ANO6: variants seen among roughly 807,000 people sequenced by gnomAD.
ANO6 encodes the protein anoctamin 6.
Under a neutral mutation model 117.5 loss-of-function variants are expected in ANO6, and 106 were observed. The ratio of observed to expected loss-of-function variants is 0.90; its 90% CI spans 0.77 to 1.06. The LOEUF is 1.06. Among genes scored for constraint, ANO6 ranks in the 50% least tolerant of loss-of-function variants. ANO6 has a pLI of 0.00. For missense variants in ANO6, 955 were observed against 1,121.1 expected (o/e 0.85, Z 2.12); for synonymous variants, 367 against 385.1 (o/e 0.95, Z 0.55).
At chr12:45,298,838 G>A (rs993798445) in intron 1 of ANO6, among the ~76,000 whole-genome samples, 1 of 151,968 alleles carries the variant, frequency 6.6e-6, no homozygotes, top group African/African-American at 2.4e-5. Flanking sequence ...ACTTTCTTAA[G>A]CTTGTCTTTT....
intron 1 of ANO6, among the ~76,000 whole-genome samples, chr12:45,249,303 A>G (rs1041086685): frequency 6.6e-6 from 1 of 152,242 alleles, no homozygotes; most frequent in African/African-American, 2.4e-5. Context: ...ACCTAATTGT[A>G]TCATGTTCAT....
chr12:45,285,215 A>T (rs1938869539), intron 1 of ANO6, among the ~76,000 whole-genome samples: 2 of 152,214 alleles, frequency 1.3e-5, no homozygotes, highest in Non-Finnish European at 2.9e-5. Context: ...GAGCTTCCCA[A>T]TTTGAAGGCA....
chr12:45,254,746 TAC>T (rs1458583778), intron 1 of ANO6, among the ~76,000 whole-genome samples: 1 of 152,242 alleles, frequency 6.6e-6, no homozygotes, highest in African/African-American at 2.4e-5. Context: ...TTCCCAGAAT[TAC>T]AGATATGTAA....
intron 2 of ANO6, among the ~76,000 whole-genome samples, chr12:45,309,928 G>T (rs1225146403): frequency 1.3e-5 from 2 of 152,114 alleles, no homozygotes; most frequent in Non-Finnish European, 2.9e-5. Flanking sequence ...AAAGGACTCT[G>T]AAAAGGGGGA....
chr12:45,254,024 G>C (rs1334618509), intron 1 of ANO6, among the ~76,000 whole-genome samples: 1 of 152,108 alleles, frequency 6.6e-6, no homozygotes, highest in African/African-American at 2.4e-5. Context: ...AAAATTAGCT[G>C]GGCATGGTGG....
chr12:45,345,538 C>T (rs769365507), intron 3 of ANO6, among the ~76,000 whole-genome samples: 1 of 152,184 alleles, frequency 6.6e-6, no homozygotes, highest in South Asian at 2.1e-4. Context: ...TTCCACCCAG[C>T]GTTTTCAGCT....
chr12:45,221,981 AC>A (rs1947407706), intron 1 of ANO6, among the ~76,000 whole-genome samples: 1 of 143,390 alleles, frequency 7.0e-6, no homozygotes. Context: ...TCTTGGATTC[AC>A]TCCATTCTCC....
intron 1 of ANO6, among the ~76,000 whole-genome samples, chr12:45,286,753 T>C (rs1054175599): frequency 5.9e-5 from 9 of 152,236 alleles, no homozygotes; most frequent in African/African-American, 1.7e-4. Context: ...GTGTTTACTA[T>C]GTGTAAGTAA....
chr12:45,270,480 G>A, intron 1 of ANO6: 1 of 1,512,772 alleles, frequency 6.6e-7, no homozygotes, highest in Non-Finnish European at 8.8e-7. Flanking sequence ...CCTGCCTCCA[G>A]GAGGCCTTTT....
rs781608617 is a variant in ANO6 at position 45,388,191 on chromosome 12, G to A, written c.1196G>A (p.Arg399His). 32 of 1,613,924 alleles carry A rather than the reference G, an allele frequency of 2.0e-5. No homozygotes were observed. The highest frequency in any genetic ancestry group is 2.7e-5 in the Non-Finnish European group (32 of 1,179,884). ...TTGTTTTTGGAGTTTTGGAAGCGACGCCAGGCAGAACTTGAGTATGAATGG... is the reference window on the plus strand; with the variant it reads ...TTGTTTTTGGAGTTTTGGAAGCGACACCAGGCAGAACTTGAGTATGAATGG... ...VTLFLEFWKR[R>H]QAELEYEWDT... The change falls in exon 11 of 20, where the codon CGC (arginine) becomes CAC (histidine). Residue 399 changes from arginine to histidine, a missense_variant. Transcript: ENST00000320560.
intron 1 of ANO6, among the ~76,000 whole-genome samples, chr12:45,281,410 C>A (rs1277092277): frequency 2.0e-5 from 3 of 152,296 alleles, no homozygotes; most frequent in Middle Eastern, 6.8e-3. Flanking sequence ...TATTTTGGCT[C>A]ACAGTTCTGC....
intron 6 of ANO6, among the ~76,000 whole-genome samples, chr12:45,350,020 G>A (rs1462552449): frequency 2.0e-5 from 3 of 152,178 alleles, no homozygotes; most frequent in Non-Finnish European, 1.5e-5. Flanking sequence ...GTGTGTGAAG[G>A]TCAGGGCCTG....
chr12:45,440,120 T>C, exon 20 of ANO6: 1 of 510,908 alleles, frequency 2.0e-6, no homozygotes, highest in Non-Finnish European at 3.0e-6. Context: ...ATATGTATAG[T>C]TTTTTGTTGT....
At chr12:45,345,792 T>G (rs539071855) in intron 3 of ANO6, among the ~76,000 whole-genome samples, 84 of 152,264 alleles carry the variant, frequency 5.5e-4, no homozygotes, top group Admixed American at 3.0e-3. Flanking sequence ...GTTACAGAGC[T>G]CATTCTGGTC....
intron 1 of ANO6, among the ~76,000 whole-genome samples, chr12:45,300,332 C>T (rs1939440516): frequency 6.6e-6 from 1 of 152,142 alleles, no homozygotes; most frequent in African/African-American, 2.4e-5. Context: ...AGGTGCACAC[C>T]ATCACGCCCG....
intron 12 of ANO6, among the ~76,000 whole-genome samples, chr12:45,392,695 G>C (rs1378088430): frequency 3.9e-5 from 6 of 152,218 alleles, no homozygotes; most frequent in Admixed American, 2.0e-4. Context: ...AGCCTCCGCT[G>C]GTGATACCCA....
In ANO6 at chr12:45,347,027, A is replaced by G; in HGVS notation, c.285A>G (p.Lys95=). The change falls in exon 4 of 20, where the codon AAA becomes AAG. Residue 95 remains lysine, a synonymous_variant. Coordinates refer to ENST00000320560, the MANE Select transcript of ANO6 (RefSeq NM_001025356.3). The part of the protein sequence containing the change: ...KKGTNEKQRR[K]RQAYESNLIC... ...ATTCCAACTTCTTTTGACAGAGGAA[A>G]AGACAAGCATACGAATCTAACCTTA... is the stretch of plus-strand genomic sequence containing the variant. 1 of 1,614,034 alleles carries G rather than the reference A, an allele frequency of 6.2e-7. No individual in the cohort carries two copies. The highest frequency in any genetic ancestry group is 8.5e-7 in the Non-Finnish European group (1 of 1,179,942).
chr12:45,369,969 A>G (rs1490386893), intron 9 of ANO6, among the ~76,000 whole-genome samples: 2 of 152,262 alleles, frequency 1.3e-5, no homozygotes, highest in African/African-American at 2.4e-5. Context: ...GGAAGAAAGC[A>G]TAACAAATTC....
chr12:45,364,493 C>T (rs542693706), intron 8 of ANO6, among the ~76,000 whole-genome samples: 4 of 152,220 alleles, frequency 2.6e-5, no homozygotes, highest in East Asian at 3.9e-4. Context: ...TGTCCTCATT[C>T]CTTTTTTGTT....
Sources: allele counts gnomAD v4.1 joint callset (sites outside exome capture counted in the v4.1 genomes callset), GRCh38; gene constraint gnomAD v4.1.1; transcripts MANE v1.5; gene names NCBI Gene and HGNC (gene_info 2026-07-23, HGNC 2026-07-21).